The following CLDN14 variants were observed in gnomAD, a reference collection of about 807,000 sequenced individuals.
The protein encoded by CLDN14 is claudin-14.
CLDN14 carries 2 observed loss-of-function variants against 2.1 expected under a neutral mutation model. The observed-to-expected ratio is 0.96, with a 90% CI of 0.39 to 3.01. The LOEUF is 3.01. CLDN14 is among the 30% of genes most tolerant of loss of function. The pLI is 0.09. For missense variants in CLDN14, 298 were observed against 328.0 expected, an observed-to-expected ratio of 0.91 and a Z score of 0.71; for synonymous variants, 136 against 154.4, an observed-to-expected ratio of 0.88 and a Z score of 0.88.
chr21:36,524,492 C>T (rs376583251), intron 1 of CLDN14, among the ~76,000 whole-genome samples: 2 of 152,174 alleles, frequency 1.3e-5, no homozygotes, highest in East Asian at 1.9e-4. Context: ...AGATACCGAC[C>T]GTATGCCACT....
At chr21:36,472,821 C>G (rs985504416) in intron 1 of CLDN14, among the ~76,000 whole-genome samples, 1 of 152,120 alleles carries the variant, frequency 6.6e-6, no homozygotes, top group Non-Finnish European at 1.5e-5. Context: ...TTTTAGAGCA[C>G]GAATCTCATT....
intron 1 of CLDN14, among the ~76,000 whole-genome samples, chr21:36,546,823 G>C (rs2087528899): frequency 6.6e-6 from 1 of 152,214 alleles, no homozygotes; most frequent in Non-Finnish European, 1.5e-5. Context: ...TAATGAGATA[G>C]AGAGTACATT....
intron 1 of CLDN14, among the ~76,000 whole-genome samples, chr21:36,528,570 A>T (rs1478779271): frequency 6.6e-6 from 1 of 152,178 alleles, no homozygotes; most frequent in Non-Finnish European, 1.5e-5. Context: ...GTGTCCTCAC[A>T]GGAAGGCAGC....
chr21:36,473,566 G>T (rs947718478), intron 1 of CLDN14, among the ~76,000 whole-genome samples: 17 of 152,258 alleles, frequency 1.1e-4, no homozygotes, highest in African/African-American at 4.1e-4. Context: ...TGTTCAGTTT[G>T]AGATGTCTGT....
intron 1 of CLDN14, among the ~76,000 whole-genome samples, chr21:36,561,461 T>C (rs900641943): frequency 2.2e-4 from 34 of 152,066 alleles, no homozygotes; most frequent in Middle Eastern, 3.4e-3. Flanking sequence ...CTGGACACCA[T>C]CAGACACAGG....
intron 1 of CLDN14, among the ~76,000 whole-genome samples, chr21:36,538,875 T>C (rs913969791): frequency 6.6e-6 from 1 of 152,182 alleles, no homozygotes; most frequent in African/African-American, 2.4e-5. Context: ...CATAACGGCA[T>C]AGGGAGACCT....
chr21:36,561,404 G>T (rs1335622880), intron 1 of CLDN14, among the ~76,000 whole-genome samples: 1 of 152,184 alleles, frequency 6.6e-6, no homozygotes, highest in Non-Finnish European at 1.5e-5. Flanking sequence ...TTGACTTGGG[G>T]GAGGACAGGA....
chr21:36,480,977 A>G (rs1417178430), upstream of CLDN14: 5 of 152,216 alleles, frequency 3.3e-5, no homozygotes, highest in Non-Finnish European at 7.3e-5. Context: ...TAGTGTCAGG[A>G]GCTTGGAGCA....
chr21:36,516,753 C>T (rs2087231606), intron 1 of CLDN14, among the ~76,000 whole-genome samples: 1 of 152,210 alleles, frequency 6.6e-6, no homozygotes, highest in Non-Finnish European at 1.5e-5. Flanking sequence ...TAGCTGGACA[C>T]ACAGTACATT....
At position 36,498,622 on chromosome 21, in the gene CLDN14, A is replaced by G. The variant is rs2087061846; in HGVS notation, c.-82+11741T>C. Among the ~76,000 whole-genome samples the G allele has an allele frequency of 6.6e-6, 1 of 152,202 alleles. No homozygotes were observed. The highest frequency in any genetic ancestry group is 2.4e-5 in the African/African-American group (1 of 41,458). ...CAGGCGATGGGGACGTGGAACTGGT[A>G]GGACCGATGGCTAAGCTCTCTTCCC... On this transcript the variant is annotated intron_variant, in intron 2 of 2. Coordinates refer to the CLDN14 transcript ENST00000342108. This position sits in a 1 kb window ranked among gnomAD's most constrained non-coding sequence, Gnocchi z 4.9.
chr21:36,560,898 T>G (rs1176192410), intron 1 of CLDN14, among the ~76,000 whole-genome samples: 1 of 152,208 alleles, frequency 6.6e-6, no homozygotes, highest in Non-Finnish European at 1.5e-5. Flanking sequence ...GGTAAGAAAT[T>G]CTTTTTTGTT....
intron 2 of CLDN14, among the ~76,000 whole-genome samples, chr21:36,502,677 A>C (rs41513750): frequency 0.048 from 7,382 of 152,316 alleles, 348 homozygotes; most frequent in African/African-American, 0.12. Flanking sequence ...GGATGTCTTT[A>C]GGAGCCAATA....
intron 2 of CLDN14, chr21:36,486,433 T>C (rs773207433): frequency 1.9e-5 from 27 of 1,418,688 alleles, no homozygotes; most frequent in Non-Finnish European, 2.6e-5. Flanking sequence ...TGCTCCTCCA[T>C]AGAAACCCGA....
At chr21:36,476,668 G>C (rs973658408) in intron 1 of CLDN14, among the ~76,000 whole-genome samples, 2 of 152,180 alleles carry the variant, frequency 1.3e-5, no homozygotes, top group African/African-American at 4.8e-5. Flanking sequence ...GGTCAGGCTG[G>C]TCTCGAACTC....
Position 36,486,953 on chromosome 21 carries a change from T to C in CLDN14, c.-82+23410A>G, listed in dbSNP as rs549221238. On this transcript the variant is annotated intron_variant, in intron 2 of 2. Transcript: ENST00000342108. The stretch of plus-strand genomic sequence containing the variant: ...TCATTAGCCAGTGTGATGAGGGCCA[T>C]GTTGTTCTCAGGGTTGCTGTGGATT... 555 of 512,092 alleles carry C rather than the reference T, an allele frequency of 1.1e-3. 8 individuals are homozygous for C. The highest frequency in any genetic ancestry group is 9.8e-3 in the South Asian group (529 of 54,164). The allele number at this position is 512,092 out of a possible 1,614,324, so 31.7% of individuals were successfully genotyped here.
intron 1 of CLDN14, chr21:36,510,621 A>C (rs770058997): frequency 2.6e-5 from 4 of 152,270 alleles, no homozygotes; most frequent in Non-Finnish European, 5.9e-5. Flanking sequence ...TTGGAGGGAC[A>C]GGTTGGAGAG....
rs1601632039 is a variant in CLDN14, at chr21:36,544,417, A to G, written c.-220+31994T>C. Among the ~76,000 whole-genome samples, 1 of 152,294 alleles carries G rather than the reference A, an allele frequency of 6.6e-6. No individual in the cohort carries two copies. The highest frequency in any genetic ancestry group is 2.1e-4 in the South Asian group (1 of 4,826). ...GGTGTCTTACATTTGCTCATCCTCC[A>G]AGACTAGAACAAAGTTCTCCCAGGC... On this transcript the variant is annotated intron_variant, in intron 1 of 2. Transcript: ENST00000342108. The surrounding 1 kb of genome is among the most constrained non-coding windows in gnomAD (Gnocchi z 4.1).
At chr21:36,489,864 C>G (rs2086943665) in intron 2 of CLDN14, among the ~76,000 whole-genome samples, 1 of 152,220 alleles carries the variant, frequency 6.6e-6, no homozygotes, top group Admixed American at 6.5e-5. Context: ...GTTCTTTCCT[C>G]CCCCAGTAGC....
intron 1 of CLDN14, among the ~76,000 whole-genome samples, chr21:36,548,747 A>C (rs2087542374): frequency 6.6e-6 from 1 of 152,240 alleles, no homozygotes; most frequent in Non-Finnish European, 1.5e-5. Flanking sequence ...TGGTCAGTTG[A>C]TGTGGGGAGG....
Sources: gnomAD v4.1 joint callset for allele counts (sites outside exome capture counted in the v4.1 genomes callset) on GRCh38, gnomAD v4.1.1 for gene constraint, Gnocchi (gnomAD v3.1) non-coding constraint, MANE v1.5 for transcripts, NCBI Gene and HGNC (gene_info 2026-07-23, HGNC 2026-07-21) for gene names.